Variants in NDUFAF5 observed in about 807,000 individuals in gnomAD.
NDUFAF5 encodes NADH:ubiquinone oxidoreductase complex assembly factor 5.
NDUFAF5 carries 34 observed loss-of-function variants against 48.9 expected under a neutral mutation model. That is an observed-to-expected ratio of 0.70 (90% confidence interval 0.53 to 0.93). NDUFAF5 has a LOEUF of 0.93. Among genes scored for constraint, NDUFAF5 ranks in the 40% least tolerant of loss-of-function variants. NDUFAF5 has a pLI of 0.00. For synonymous variants in NDUFAF5, 153 were observed against 150.6 expected (o/e 1.02, Z -0.12); for missense variants, 428 against 427.5 (o/e 1.00, Z -0.01).
Position 13,814,403 on chromosome 20 carries a change from A to T in NDUFAF5, c.779-2060A>T, listed in dbSNP as rs1426049231. 4 of 1,242,950 alleles carry T rather than the reference A, an allele frequency of 3.2e-6. No homozygotes were observed. In the African/African-American group the frequency reaches 6.2e-5, roughly 19 times the overall value. 77.0% of individuals were successfully genotyped at this position (1,242,950 alleles called of 1,614,324 possible). On this transcript the variant is annotated intron_variant, in intron 8 of 10. Transcript: ENST00000378106. ...TGTGGTGTGTCTCATTTAAGCTGCT[A>T]TTATTAATTCACAGAACAAAAGTCC...
At position 13,820,215 on chromosome 20, in the gene NDUFAF5, G is replaced by T. The variant is rs373487690; in HGVS notation, c.*3005G>T. The T allele has an allele frequency of 6.3e-4, 96 of 152,274 alleles. 1 individual carries two copies. The highest frequency in any genetic ancestry group is 2.2e-3 in the African/African-American group (92 of 41,544). The allele number at this position is 152,274 out of a possible 1,614,324, so 9.4% of individuals were successfully genotyped here. A position where few individuals can be genotyped will look rare whatever the true frequency, so the allele number is the denominator to read the frequency against. On this transcript the variant is annotated 3_prime_UTR_variant, in exon 11 of 11. Transcript: ENST00000378106. The stretch of plus-strand genomic sequence containing the variant: ...AATTTTTGCTTTATAGGAAGAATTT[G>T]TAGGATTTATTGAGATGTAAGCTAC...
At chr20:13,794,364 C>G (rs1982832851) in intron 4 of NDUFAF5, among the ~76,000 whole-genome samples, 1 of 152,092 alleles carries the variant, frequency 6.6e-6, no homozygotes, top group Non-Finnish European at 1.5e-5. Flanking sequence ...ACTGCAACCT[C>G]CGCCTCCCGG....
At chr20:13,802,526 G>A (rs118050584) in intron 7 of NDUFAF5, among the ~76,000 whole-genome samples, 2,538 of 151,820 alleles carry the variant, frequency 0.017, 20 homozygotes, top group Non-Finnish European at 0.024. Flanking sequence ...AAAAATCAGC[G>A]AATTGTGGTG....
At chr20:13,810,464 G>A (rs528610325) in intron 8 of NDUFAF5, among the ~76,000 whole-genome samples, 1 of 152,280 alleles carries the variant, frequency 6.6e-6, no homozygotes, top group South Asian at 2.1e-4. Flanking sequence ...TAGAAGAGGA[G>A]TAGGTTGAGG....
chr20:13,803,485 A>T (rs572863834), intron 7 of NDUFAF5: 1 of 152,356 alleles, frequency 6.6e-6, no homozygotes, highest in African/African-American at 2.4e-5. Context: ...TTTTGGTTGT[A>T]ACTATTAAGC....
At position 13,818,486 on chromosome 20, in the gene NDUFAF5, G is replaced by A. The variant is rs1986756178; in HGVS notation, c.*1276G>A. 2.9e-6 allele frequency: 1 copy of A among 340,008 alleles called. No homozygotes were observed. The highest frequency in any genetic ancestry group is 2.2e-5 in the African/African-American group (1 of 45,758). 21.1% of individuals were successfully genotyped at this position (340,008 alleles called of 1,614,324 possible). A position where few individuals can be genotyped will look rare whatever the true frequency, so the allele number is the denominator to read the frequency against. On this transcript the variant is annotated 3_prime_UTR_variant, in exon 11 of 11. Coordinates refer to ENST00000378106, the MANE Select transcript of NDUFAF5 (RefSeq NM_024120.5). ...TTAATTTTCAGAACTTGAAGAGAGA[G>A]AACAACAACAAAAAACAAACTGCGC...
At chr20:13,787,707 C>T (rs892997126) in intron 2 of NDUFAF5, among the ~76,000 whole-genome samples, 2 of 152,132 alleles carry the variant, frequency 1.3e-5, no homozygotes, top group African/African-American at 4.8e-5. Flanking sequence ...GCCATATTGC[C>T]TGTGTTCATC....
chr20:13,821,168 T>TA lies in NDUFAF5; in HGVS notation c.*3959dup, dbSNP rs1298693019. ...TTAAAATCTATCCACAAATTTTTGA[T>TA]ATGCTTCTCTTTAAGACGGGACACT... is the stretch of plus-strand genomic sequence containing the variant. On this transcript the variant is annotated 3_prime_UTR_variant, in exon 11 of 11. Coordinates refer to ENST00000378106, the MANE Select transcript of NDUFAF5 (RefSeq NM_024120.5). The TA allele has an allele frequency of 6.6e-6, 1 of 152,232 alleles. No homozygotes were observed. The highest frequency in any genetic ancestry group is 1.9e-4 in the East Asian group (1 of 5,204). The allele number at this position is 152,232 out of a possible 1,614,324, so 9.4% of individuals were successfully genotyped here.
In NDUFAF5 at chr20:13,812,153, T is replaced by G. The variant is rs77104437; in HGVS notation, c.778+3251T>G. ...TCTGAACTGACCCTGTTCCTTCTTG[T>G]GTTGCCCATCTGTAACAAGGTTCAT... On this transcript the variant is annotated intron_variant, in intron 8 of 10. Transcript: ENST00000378106. Among the ~76,000 whole-genome samples the G allele has an allele frequency of 5.8e-3, 881 of 152,340 alleles. 3 individuals are homozygous for G. Among genetic ancestry groups the G allele is most frequent in the South Asian group, 0.012 (57 of 4,826 alleles).
At chr20:13,803,276 A>G (rs983269082) in intron 7 of NDUFAF5, 2 of 152,316 alleles carry the variant, frequency 1.3e-5, no homozygotes, top group Admixed American at 1.3e-4. Flanking sequence ...ACCTGTGACT[A>G]GTGTTGATCT....
chr20:13,789,831 C>G (rs1981974907), intron 3 of NDUFAF5, among the ~76,000 whole-genome samples: 1 of 152,050 alleles, frequency 6.6e-6, no homozygotes, highest in Non-Finnish European at 1.5e-5. Context: ...AGACTTGGGC[C>G]AGGGTGAGGA....
At chr20:13,798,898 T>C (rs1983674468) in intron 6 of NDUFAF5, among the ~76,000 whole-genome samples, 2 of 152,280 alleles carry the variant, frequency 1.3e-5, no homozygotes, top group South Asian at 2.1e-4. Flanking sequence ...TTTTTATCGA[T>C]TGACACGTAT....
In NDUFAF5 at chr20:13,817,331, A is replaced by G. The variant is rs1986599444; in HGVS notation, c.*121A>G. Reference sequence around the variant, plus strand: ...AGCTATTTACTAATAGGCTTTTCATATAATTAGGAAAACCTAATATCACAT... The same window carrying G: ...AGCTATTTACTAATAGGCTTTTCATGTAATTAGGAAAACCTAATATCACAT... On this transcript the variant is annotated 3_prime_UTR_variant, in exon 11 of 11. Transcript: ENST00000378106. 1.2e-6 allele frequency: 1 copy of G among 824,752 alleles called. No individual in the cohort carries two copies. The highest frequency in any genetic ancestry group is 2.1e-6 in the Non-Finnish European group (1 of 472,020). 51.1% of individuals were successfully genotyped at this position (824,752 alleles called of 1,614,324 possible). A position where few individuals can be genotyped will look rare whatever the true frequency, so the allele number is the denominator to read the frequency against.
In NDUFAF5 at chr20:13,785,109, C is replaced by T. The variant is rs562335414; in HGVS notation, c.41C>T (p.Pro14Leu). 26 of 1,613,596 alleles carry T rather than the reference C, an allele frequency of 1.6e-5. No individual in the cohort carries two copies. The highest frequency in any genetic ancestry group is 9.9e-5 in the South Asian group (9 of 91,068). ...GGGCTCTGGCGCTTATGTCGGCGAC[C>T]TTGGGCGGCGAGGGTCCCAGCGGAG... Reference protein sequence around the residue: ...PAGLWRLCRRPWAARVPAENL... With the variant: ...PAGLWRLCRRLWAARVPAENL... Residue 14 changes from proline to leucine, a missense_variant, in exon 1 of 11, where the codon CCT becomes CTT. Pro to Leu is a moderately conservative substitution (Grantham distance 98). Transcript: ENST00000378106.
At position 13,801,665 on chromosome 20, in the gene NDUFAF5, C is replaced by T; in HGVS notation, c.699C>T (p.Gly233=). The change falls in exon 7 of 11, where the codon GGC becomes GGT. Residue 233 remains glycine (G), a synonymous_variant. Coordinates refer to ENST00000378106, the MANE Select transcript of NDUFAF5 (RefSeq NM_024120.5). ...TGGGACATCTGCTTGGGAGAGCTGG[C>T]TTTAATACTCTGACTGTGGTAACTA... ...NDLGHLLGRA[G]FNTLTVDTDE... 1.9e-6 allele frequency: 3 copies of T among 1,613,798 alleles called. No homozygotes were observed. Among genetic ancestry groups the T allele is most frequent in the Non-Finnish European group, 2.5e-6 (3 of 1,179,826 alleles).
Position 13,820,065 on chromosome 20 carries a change from A to G in NDUFAF5, c.*2855A>G, listed in dbSNP as rs1986876207. 1 of 152,218 alleles carries G rather than the reference A, an allele frequency of 6.6e-6. No individual in the cohort carries two copies. Among genetic ancestry groups the G allele is most frequent in the Non-Finnish European group, 1.5e-5 (1 of 68,046 alleles). The allele number at this position is 152,218 out of a possible 1,614,324, so 9.4% of individuals were successfully genotyped here. The stretch of plus-strand genomic sequence containing the variant: ...GTTGTCAGTCTGACAGGGCTCTAGT[A>G]TGTGCACACCGTGACACCTGTTGGC... On this transcript the variant is annotated 3_prime_UTR_variant, in exon 11 of 11. Transcript: ENST00000378106.
intron 3 of NDUFAF5, among the ~76,000 whole-genome samples, chr20:13,791,141 T>C (rs1448092932): frequency 6.6e-6 from 1 of 152,218 alleles, no homozygotes; most frequent in Admixed American, 6.5e-5. Flanking sequence ...GGATCATTCC[T>C]GTTTTAGATA....
At chr20:13,803,254 C>T (rs763858334) in intron 7 of NDUFAF5, 1 of 152,150 alleles carries the variant, frequency 6.6e-6, no homozygotes, top group African/African-American at 2.4e-5. Context: ...AAGAGAACCC[C>T]GGAGGCTTCA....
chr20:13,785,406 C>T, intron 1 of NDUFAF5, 116 bp downstream of exon 1: 1 of 834,378 alleles, frequency 1.2e-6, no homozygotes, highest in Non-Finnish European at 1.9e-6. Flanking sequence ...CCTTGACCAG[C>T]AGCCCTGCCT....
Sources: allele counts gnomAD v4.1 joint callset (sites outside exome capture counted in the v4.1 genomes callset), GRCh38; gene constraint gnomAD v4.1.1; transcripts MANE v1.5; gene names NCBI Gene and HGNC (gene_info 2026-07-23, HGNC 2026-07-21).